The following ELOVL2 variants were observed in gnomAD, a reference collection of about 807,000 sequenced individuals.
ELOVL2 encodes ELOVL fatty acid elongase 2, also known as very long chain fatty acid elongase 2.
A neutral mutation model predicts 37.7 loss-of-function variants in ELOVL2; 38 were observed. The observed-to-expected ratio is 1.01, with a 90% CI of 0.78 to 1.32. The LOEUF is 1.32. ELOVL2 is among the 40% of genes most tolerant of loss of function. ELOVL2 has a pLI of 0.00. For missense variants in ELOVL2, 352 were observed against 363.6 expected (o/e 0.97, Z 0.26); for synonymous variants, 115 against 122.3 (o/e 0.94, Z 0.40).
At chr6:11,006,668 GA>G (rs1373339693) in intron 2 of ELOVL2, among the ~76,000 whole-genome samples, 2 of 152,152 alleles carry the variant, frequency 1.3e-5, no homozygotes, top group Non-Finnish European at 2.9e-5. Context: ...AGTGCCTTCT[GA>G]AGCTCTGACT....
intron 7 of ELOVL2, among the ~76,000 whole-genome samples, chr6:10,985,073 T>G (rs943176777): frequency 1.3e-5 from 2 of 152,188 alleles, no homozygotes; most frequent in Admixed American, 6.5e-5. Flanking sequence ...GTGTGAGATG[T>G]TATCTCATTG....
At chr6:11,004,592 A>G (rs745461561) in intron 3 of ELOVL2, among the ~76,000 whole-genome samples, 6 of 152,126 alleles carry the variant, frequency 3.9e-5, no homozygotes, top group Admixed American at 3.9e-4. Context: ...ACAAAGGGCC[A>G]CTAGAGCTGA....
intron 1 of ELOVL2, among the ~76,000 whole-genome samples, chr6:11,026,391 A>G (rs2113548970): frequency 6.6e-6 from 1 of 152,282 alleles, no homozygotes; most frequent in East Asian, 1.9e-4. Flanking sequence ...GTAACCAGCA[A>G]GTAGTAGTGC....
At chr6:10,986,033 T>G (rs900786932) in intron 7 of ELOVL2, among the ~76,000 whole-genome samples, 343 of 152,128 alleles carry the variant, frequency 2.3e-3, no homozygotes, top group African/African-American at 7.7e-3. Flanking sequence ...TTGAGCAGTG[T>G]TTTGTAGTTC....
chr6:11,032,464 A>T (rs1313793592), intron 1 of ELOVL2, among the ~76,000 whole-genome samples: 1 of 152,172 alleles, frequency 6.6e-6, no homozygotes, highest in Non-Finnish European at 1.5e-5. Flanking sequence ...AAATCCTGGA[A>T]ATTTAGTTGC....
At chr6:11,034,711 C>T (rs975274831) in intron 1 of ELOVL2, among the ~76,000 whole-genome samples, 10 of 144,888 alleles carry the variant, frequency 6.9e-5, no homozygotes, top group African/African-American at 2.3e-4. Flanking sequence ...TAACAAAAAG[C>T]ACTTATTAGG....
At position 10,982,847 on chromosome 6, in the gene ELOVL2, A is replaced by G. The variant is rs1488090871; in HGVS notation, c.*934T>C. The G allele has an allele frequency of 6.6e-6, 1 of 152,210 alleles. No individual in the cohort carries two copies. Among genetic ancestry groups the G allele is most frequent in the African/African-American group, 2.4e-5 (1 of 41,450 alleles). 9.4% of individuals were successfully genotyped at this position (152,210 alleles called of 1,614,324 possible). A position where few individuals can be genotyped will look rare whatever the true frequency, so the allele number is the denominator to read the frequency against. On this transcript the variant is annotated 3_prime_UTR_variant, in exon 8 of 8. Coordinates refer to ENST00000354666, the MANE Select transcript of ELOVL2 (RefSeq NM_017770.4). The stretch of plus-strand genomic sequence containing the variant: ...AAAAGAGTTGACGAATTCAGTGCCT[A>G]TTTTGCTCCCATCACTCTGCTACTT...
At chr6:11,008,130 A>C (rs573391293) in intron 2 of ELOVL2, among the ~76,000 whole-genome samples, 18 of 152,116 alleles carry the variant, frequency 1.2e-4, no homozygotes, top group African/African-American at 4.3e-4. Flanking sequence ...GTGATGTGCC[A>C]GTCAGCATCA....
At chr6:11,001,708 T>A (rs748449114) in intron 3 of ELOVL2, among the ~76,000 whole-genome samples, 12 of 152,222 alleles carry the variant, frequency 7.9e-5, no homozygotes, top group Non-Finnish European at 1.3e-4. Context: ...CTGTGGCATC[T>A]GTGCAGAACT....
At chr6:11,016,340 T>G (rs998577821) in intron 1 of ELOVL2, among the ~76,000 whole-genome samples, 2 of 152,158 alleles carry the variant, frequency 1.3e-5, no homozygotes, top group African/African-American at 4.8e-5. Flanking sequence ...AGAACAGCTA[T>G]TTTCTACCAC....
At position 10,983,631 on chromosome 6, in the gene ELOVL2, T is replaced by G. The variant is rs150098115; in HGVS notation, c.*150A>C. The G allele has an allele frequency of 6.0e-4, 514 of 855,230 alleles. 1 individual carries two copies. The African/African-American group carries it at 7.7e-3, about 13-fold the overall frequency. The allele number at this position is 855,230 out of a possible 1,614,324, so 53.0% of individuals were successfully genotyped here. On this transcript the variant is annotated 3_prime_UTR_variant, in exon 8 of 8. Coordinates refer to ENST00000354666, the MANE Select transcript of ELOVL2 (RefSeq NM_017770.4). ...GCATTCAGTTAACAGATTAACCTAA[T>G]AGCAATATATTAATACATTCTGGGT... is the stretch of plus-strand genomic sequence containing the variant.
At chr6:10,985,525 A>G (rs374987742) in intron 7 of ELOVL2, among the ~76,000 whole-genome samples, 1 of 148,158 alleles carries the variant, frequency 6.7e-6, no homozygotes, top group Non-Finnish European at 1.5e-5. Context: ...TAATTTTTGT[A>G]TAAGGTGTAA....
intron 1 of ELOVL2, among the ~76,000 whole-genome samples, chr6:11,028,762 G>A (rs528989356): frequency 6.6e-6 from 1 of 151,840 alleles, no homozygotes; most frequent in East Asian, 1.9e-4. Flanking sequence ...CCATTGTACT[G>A]GGCACATTAT....
chr6:11,022,106 T>A (rs1039016928), intron 1 of ELOVL2, among the ~76,000 whole-genome samples: 4 of 152,234 alleles, frequency 2.6e-5, no homozygotes, highest in African/African-American at 9.6e-5. Flanking sequence ...TGTACTCATA[T>A]AAGACACTGG....
At chr6:11,014,555 T>G (rs113784658) in intron 1 of ELOVL2, among the ~76,000 whole-genome samples, 6,028 of 150,408 alleles carry the variant, frequency 0.04, 340 homozygotes, top group African/African-American at 0.13. Flanking sequence ...AGTTAGTCCC[T>G]CCCTTTTCCT....
chr6:11,025,786 TA>T (rs1484785022), intron 1 of ELOVL2, among the ~76,000 whole-genome samples: 11 of 152,232 alleles, frequency 7.2e-5, no homozygotes, highest in African/African-American at 2.7e-4. Context: ...TTTATGACTT[TA>T]AAAATATTTT....
intron 5 of ELOVL2, among the ~76,000 whole-genome samples, chr6:10,992,043 C>G (rs1005885171): frequency 6.6e-6 from 1 of 152,306 alleles, no homozygotes; most frequent in South Asian, 2.1e-4. Context: ...TGTAATGAAA[C>G]TTGACAATCA....
intron 1 of ELOVL2, among the ~76,000 whole-genome samples, chr6:11,014,017 T>C (rs1362902226): frequency 6.6e-6 from 1 of 152,154 alleles, no homozygotes; most frequent in African/African-American, 2.4e-5. Context: ...TCCTTGCCCT[T>C]ACAAGAAAGT....
Position 11,005,497 on chromosome 6 carries a change from T to G in ELOVL2, c.130A>C (p.Met44Leu). The G allele has an allele frequency of 6.2e-7, 1 of 1,614,040 alleles. No individual in the cohort carries two copies. Among genetic ancestry groups the G allele is most frequent in the Non-Finnish European group, 8.5e-7 (1 of 1,180,000 alleles). ...CCCAGCCATATTGAGAGCAGATACA[T>G]GACAGTAAGAAAAAAGGTAGGAAGG... is the stretch of plus-strand genomic sequence containing the variant. ...SYLPTFFLTVMYLLSIWLGNK... is the reference protein window; with the variant it reads ...SYLPTFFLTVLYLLSIWLGNK... The change falls in exon 3 of 8, where the codon ATG (methionine) becomes CTG (leucine). Residue 44 changes from methionine to leucine, a missense_variant. Met to Leu is a conservative substitution (Grantham distance 15). Coordinates refer to ENST00000354666, the MANE Select transcript of ELOVL2 (RefSeq NM_017770.4).
Sources: gnomAD v4.1 joint callset for allele counts (sites outside exome capture counted in the v4.1 genomes callset) on GRCh38, gnomAD v4.1.1 for gene constraint, MANE v1.5 for transcripts, NCBI Gene and HGNC (gene_info 2026-07-23, HGNC 2026-07-21) for gene names.